The following UNC13C variants were observed in gnomAD, a reference collection of about 807,000 sequenced individuals.
UNC13C encodes protein unc-13 homolog C.
A neutral mutation model predicts 245.4 loss-of-function variants in UNC13C; 174 were observed. That is an observed-to-expected ratio of 0.71 (90% CI 0.63 to 0.80). The LOEUF (loss-of-function observed/expected upper bound fraction) is 0.80, where lower values mean the gene tolerates loss of function less well. UNC13C is among the 30% of genes least tolerant of loss of function. The pLI is 0.00. For missense variants in UNC13C, 2,829 were observed against 2,602.9 expected, an observed-to-expected ratio of 1.09 and a Z score of -1.89; for synonymous variants, 992 against 895.1, an observed-to-expected ratio of 1.11 and a Z score of -1.93.
intron 2 of UNC13C, among the ~76,000 whole-genome samples, chr15:54,027,950 C>T (rs952571319): frequency 2.6e-5 from 4 of 152,158 alleles, no homozygotes; most frequent in African/African-American, 9.7e-5. Flanking sequence ...GCCTTGAGCA[C>T]ATGTCAAACT....
chr15:54,133,638 C>T (rs2031560510), intron 2 of UNC13C, among the ~76,000 whole-genome samples: 1 of 152,038 alleles, frequency 6.6e-6, no homozygotes, highest in South Asian at 2.1e-4. Context: ...TTGGGAGCAG[C>T]ATTATAGGGA....
chr15:54,338,576 G>T (rs1263836217), intron 17 of UNC13C, 87 bp downstream of exon 17: 2 of 1,427,794 alleles, frequency 1.4e-6, no homozygotes, highest in South Asian at 2.9e-5. Context: ...AAATAGAAAA[G>T]TATGTTCATT....
At chr15:54,242,085 C>T (rs193150463) in intron 7 of UNC13C, among the ~76,000 whole-genome samples, 2 of 152,160 alleles carry the variant, frequency 1.3e-5, no homozygotes, top group Non-Finnish European at 2.9e-5. Flanking sequence ...TTTGCATCTA[C>T]TTTGCATCAT....
chr15:54,301,482 C>T (rs2037581688), intron 13 of UNC13C, among the ~76,000 whole-genome samples: 1 of 152,044 alleles, frequency 6.6e-6, no homozygotes. Context: ...TGTTCCCCGC[C>T]CTGTGTCCAT....
chr15:54,017,605 T>C (rs1211938740), intron 2 of UNC13C, among the ~76,000 whole-genome samples: 6 of 152,112 alleles, frequency 3.9e-5, no homozygotes, highest in Admixed American at 3.9e-4. Context: ...ATATCATAAA[T>C]AGGACAAGAT....
At chr15:54,236,247 C>T (rs556837393) in intron 5 of UNC13C, among the ~76,000 whole-genome samples, 183 bp from the exon 6 acceptor site, 1 of 152,222 alleles carries the variant, frequency 6.6e-6, no homozygotes, top group South Asian at 2.1e-4. Context: ...AAATATGATC[C>T]TGACTGAAAA....
At chr15:54,511,926 A>G (rs753005337) in intron 24 of UNC13C, 96 bp downstream of exon 24, 3 of 792,260 alleles carry the variant, frequency 3.8e-6, no homozygotes, top group South Asian at 1.6e-5. Context: ...AAGTTTTTAC[A>G]TGGTTAACTA....
At chr15:54,047,249 A>G (rs1454558570) in intron 2 of UNC13C, among the ~76,000 whole-genome samples, 1 of 152,066 alleles carries the variant, frequency 6.6e-6, no homozygotes, top group East Asian at 1.9e-4. Context: ...TTTTAAAATT[A>G]TGATAAAATA....
chr15:54,237,121 T>C (rs2035721831), intron 6 of UNC13C, among the ~76,000 whole-genome samples: 1 of 152,172 alleles, frequency 6.6e-6, no homozygotes, highest in Non-Finnish European at 1.5e-5. Flanking sequence ...GTAAATTAAA[T>C]GAACACTTAG....
chr15:54,567,994 A>G, intron 30 of UNC13C, 47 bp downstream of exon 30: 1 of 1,343,274 alleles, frequency 7.4e-7, no homozygotes, highest in Non-Finnish European at 9.8e-7. Context: ...GAATACTAAA[A>G]TAAAATTTAA....
chr15:53,889,054 A>T, the UNC13C span, among the ~76,000 whole-genome samples: 1 of 152,058 alleles, frequency 6.6e-6, no homozygotes, highest in Non-Finnish European at 1.5e-5. Context: ...GTTCCATATG[A>T]AGTTTAAAGT....
chr15:54,328,467 G>T, intron 14 of UNC13C, among the ~76,000 whole-genome samples: 1 of 152,120 alleles, frequency 6.6e-6, no homozygotes, highest in South Asian at 2.1e-4. Context: ...ATCTAAGATA[G>T]CATGAATACA....
chr15:54,512,583 T>G (rs2141118485), intron 24 of UNC13C, among the ~76,000 whole-genome samples: 1 of 152,296 alleles, frequency 6.6e-6, no homozygotes, highest in African/African-American at 2.4e-5. Flanking sequence ...GATTGAGGAC[T>G]GGAGAAGGTG....
At chr15:54,534,322 C>T (rs992848930) in intron 26 of UNC13C, among the ~76,000 whole-genome samples, 2 of 152,162 alleles carry the variant, frequency 1.3e-5, no homozygotes, top group Admixed American at 6.5e-5. Context: ...CCTTGGCCCC[C>T]TGAAATCTTC....
chr15:54,443,015 C>T (rs1890615043), intron 19 of UNC13C, among the ~76,000 whole-genome samples: 1 of 151,918 alleles, frequency 6.6e-6, no homozygotes, highest in Non-Finnish European at 1.5e-5. Context: ...TATATATTTG[C>T]TAAAATTTGA....
the UNC13C span, among the ~76,000 whole-genome samples, chr15:53,942,037 A>C: frequency 6.6e-6 from 1 of 152,328 alleles, no homozygotes. Flanking sequence ...TGCTTGACCC[A>C]GCAATCCCGT....
intron 24 of UNC13C, among the ~76,000 whole-genome samples, chr15:54,518,371 C>T (rs894964844): frequency 6.6e-6 from 1 of 152,110 alleles, no homozygotes; most frequent in Admixed American, 6.5e-5. Context: ...TTTAAGAGAG[C>T]TCACAGGGTT....
At chr15:54,364,593 TG>T (rs2039318089) in intron 17 of UNC13C, among the ~76,000 whole-genome samples, 1 of 152,186 alleles carries the variant, frequency 6.6e-6, no homozygotes, top group African/African-American at 2.4e-5. Context: ...ATACTTTTAG[TG>T]AAGTAGAGTA....
intron 19 of UNC13C, among the ~76,000 whole-genome samples, chr15:54,473,424 G>T (rs949102820): frequency 6.6e-6 from 1 of 151,718 alleles, no homozygotes; most frequent in East Asian, 1.9e-4. Flanking sequence ...AGTTACCCCC[G>T]CTGTGCTGGC....
Sources: gnomAD v4.1 joint callset for allele counts (sites outside exome capture counted in the v4.1 genomes callset) on GRCh38, gnomAD v4.1.1 for gene constraint, MANE v1.5 for transcripts, NCBI Gene and HGNC (gene_info 2026-07-23, HGNC 2026-07-21) for gene names.